Variants in GPAM observed in about 807,000 individuals in gnomAD.
GPAM encodes glycerol-3-phosphate acyltransferase, mitochondrial.
In GPAM, 56 loss-of-function variants were observed where a neutral mutation model predicts 105.0. The observed-to-expected ratio is 0.53, with a 90% CI of 0.43 to 0.67. GPAM has a LOEUF of 0.67. Among genes scored for constraint, GPAM ranks in the 30% least tolerant of loss-of-function variants. The pLI, the probability that GPAM is intolerant of heterozygous loss-of-function variation, is 0.00. For missense variants in GPAM, 855 were observed against 989.8 expected, an observed-to-expected ratio of 0.86 and a Z score of 1.83; for synonymous variants, 368 against 354.4, an observed-to-expected ratio of 1.04 and a Z score of -0.43.
chr10:112,178,042 G>A lies in GPAM; in HGVS notation c.241C>T (p.Pro81Ser). ...CGCAAACCCAAAGACGGGATACTGG[G>A]GTTGAAAAATTTGTCCTATATAAAA... ...TPQSWDKFFNPSIPSLGLRNV... is the reference protein window; with the variant it reads ...TPQSWDKFFNSSIPSLGLRNV... Residue 81 changes from proline (P) to serine (S), a missense_variant, in exon 5 of 22, where the codon CCC (proline) becomes TCC (serine). Transcript: ENST00000348367. 6.3e-7 allele frequency: 1 copy of A among 1,592,228 alleles called. No individual in the cohort carries two copies. The highest frequency in any genetic ancestry group is 8.6e-7 in the Non-Finnish European group (1 of 1,160,592).
rs932369319 is a variant in GPAM at position 112,150,783 on chromosome 10, A to G, written c.*2767T>C. ...GCAACACCATTTCTATAAAACACTG[A>G]TGAACATCTCACAGAGCACTCATAT... On this transcript the variant is annotated 3_prime_UTR_variant, in exon 22 of 22. Transcript: ENST00000348367. The G allele has an allele frequency of 9.1e-6, 9 of 985,398 alleles. No individual in the cohort carries two copies. The East Asian group carries it at 9.1e-4, about 100-fold the overall frequency. 61.0% of individuals were successfully genotyped at this position (985,398 alleles called of 1,614,324 possible).
At chr10:112,163,907 A>C in intron 13 of GPAM, 91 bp from the exon 14 acceptor site, 1 of 718,364 alleles carries the variant, frequency 1.4e-6, no homozygotes, top group Admixed American at 2.0e-5. Flanking sequence ...AGATACTTTA[A>C]ATTACTATAT....
intron 1 of GPAM, among the ~76,000 whole-genome samples, chr10:112,207,170 G>A (rs1847861447): frequency 6.6e-6 from 1 of 152,242 alleles, no homozygotes; most frequent in African/African-American, 2.4e-5. Context: ...AATGAAGGGA[G>A]AGGTACCACT....
At chr10:112,199,621 T>C (rs1847768996) in intron 1 of GPAM, among the ~76,000 whole-genome samples, 1 of 152,220 alleles carries the variant, frequency 6.6e-6, no homozygotes, top group Admixed American at 6.5e-5. Context: ...GTACATGTGT[T>C]AGTCTGTTCT....
intron 1 of GPAM, among the ~76,000 whole-genome samples, chr10:112,213,154 A>G (rs1257284046): frequency 1.3e-5 from 2 of 152,210 alleles, no homozygotes; most frequent in African/African-American, 2.4e-5. Context: ...CATGTGAAAC[A>G]GTTACAATGT....
intron 19 of GPAM, chr10:112,156,312 A>G: frequency 6.1e-6 from 3 of 490,586 alleles, no homozygotes; most frequent in Non-Finnish European, 1.1e-5. Flanking sequence ...GCCACCTAGA[A>G]GAAATTTTCA....
At chr10:112,175,767 T>C in intron 5 of GPAM, 54 bp from the exon 6 acceptor site, 1 of 1,101,144 alleles carries the variant, frequency 9.1e-7, no homozygotes, top group Non-Finnish European at 1.4e-6. Context: ...AACAAGTTGC[T>C]TAAATCATAA....
intron 9 of GPAM, among the ~76,000 whole-genome samples, chr10:112,170,412 G>A (rs1196810958): frequency 6.6e-6 from 1 of 152,230 alleles, no homozygotes; most frequent in African/African-American, 2.4e-5. Flanking sequence ...TGAAGGACAG[G>A]TGAGCTACAC....
intron 5 of GPAM, among the ~76,000 whole-genome samples, chr10:112,176,636 A>C (rs1589594553): frequency 6.6e-6 from 1 of 152,240 alleles, no homozygotes; most frequent in East Asian, 1.9e-4. Context: ...CCAATATATT[A>C]AATGTTAATC....
intron 1 of GPAM, among the ~76,000 whole-genome samples, chr10:112,193,662 A>G (rs894224652): frequency 4.6e-5 from 7 of 152,220 alleles, no homozygotes; most frequent in African/African-American, 7.2e-5. Flanking sequence ...CTAAAGCCCA[A>G]ACATACAAGG....
chr10:112,215,648 G>A (rs1847959715), upstream of GPAM, among the ~76,000 whole-genome samples: 1 of 152,204 alleles, frequency 6.6e-6, no homozygotes, highest in South Asian at 2.1e-4. Flanking sequence ...CTCAGCGGAG[G>A]TGTCCACAGC....
At chr10:112,177,928 T>A in intron 5 of GPAM, 56 bp downstream of exon 5, 1 of 915,818 alleles carries the variant, frequency 1.1e-6, no homozygotes, top group Non-Finnish European at 1.8e-6. Flanking sequence ...TGTTAACTGA[T>A]TATTATGAAG....
chr10:112,166,359 C>T, intron 12 of GPAM, 43 bp downstream of exon 12: 1 of 1,053,432 alleles, frequency 9.5e-7, no homozygotes, highest in Non-Finnish European at 1.5e-6. Flanking sequence ...CTCCTGACTC[C>T]AGGTAGATGC....
At chr10:112,203,186 T>C (rs1013443337) in intron 1 of GPAM, among the ~76,000 whole-genome samples, 1 of 152,176 alleles carries the variant, frequency 6.6e-6, no homozygotes, top group African/African-American at 2.4e-5. Flanking sequence ...GATGGAAATA[T>C]AGAAACCCCC....
At chr10:112,219,287 G>A (rs530559041), upstream of GPAM, among the ~76,000 whole-genome samples, 11 of 152,314 alleles carry the variant, frequency 7.2e-5, no homozygotes, top group East Asian at 2.1e-3. Context: ...GGCTGAGCAG[G>A]CCAAGTGCAC....
rs758571253 is a variant in GPAM at position 112,193,799 on chromosome 10, C to T, written n.211-10908G>A. On this transcript the variant is annotated intron_variant and non_coding_transcript_variant, in intron 1 of 3. Transcript: ENST00000480130. ...TTGGAACTGGCTCTAGTTTTTTGGT[C>T]GTCCTCATCTCAGGGCTAGGCTGCG... is the stretch of plus-strand genomic sequence containing the variant. Among the ~76,000 whole-genome samples the T allele has an allele frequency of 3.9e-5, 6 of 152,158 alleles. No homozygotes were observed. The South Asian group carries it at 8.3e-4, about 21-fold the overall frequency.
rs758079429 is a variant in GPAM at position 112,155,990 on chromosome 10, G to A, written c.2185C>T (p.Leu729=). The A allele has an allele frequency of 6.2e-7, 1 of 1,611,978 alleles. No individual in the cohort carries two copies. The highest frequency in any genetic ancestry group is 8.5e-7 in the Non-Finnish European group (1 of 1,178,104). Reference sequence around the variant, plus strand: ...ATGGCAGCAGAGCTGTAGGCCTCCAGCAAAGGCCCAAGGAGTCTCTGTAAG... The same window carrying A: ...ATGGCAGCAGAGCTGTAGGCCTCCAACAAAGGCCCAAGGAGTCTCTGTAAG... ...TFLQRLLGPL[L]EAYSSAAIFV... Residue 729 remains leucine, a synonymous_variant, in exon 20 of 22, where the codon CTG becomes TTG. Transcript: ENST00000348367.
chr10:112,175,526 A>C lies in GPAM; in HGVS notation c.413+74T>G. The C allele has an allele frequency of 5.0e-6, 4 of 803,710 alleles. No homozygotes were observed. In the South Asian group the frequency reaches 5.4e-5, roughly 11 times the overall value. 49.8% of individuals were successfully genotyped at this position (803,710 alleles called of 1,614,324 possible). A position where few individuals can be genotyped will look rare whatever the true frequency, so the allele number is the denominator to read the frequency against. The stretch of plus-strand genomic sequence containing the variant: ...GTCCCAGAGAAACTAAAGGTTACTA[A>C]GAATTACTTCCCCCTCCCACTCCTA... On this transcript the variant is annotated intron_variant, in intron 6 of 21. Coordinates refer to ENST00000348367, the MANE Select transcript of GPAM (RefSeq NM_001244949.2).
chr10:112,211,990 G>A (rs752954232), intron 1 of GPAM, among the ~76,000 whole-genome samples: 9 of 152,176 alleles, frequency 5.9e-5, no homozygotes, highest in African/African-American at 1.2e-4. Context: ...TTCCCTGAGA[G>A]AAGAGAAGAG....
Sources: gnomAD v4.1 joint callset for allele counts (sites outside exome capture counted in the v4.1 genomes callset) on GRCh38, gnomAD v4.1.1 for gene constraint, MANE v1.5 for transcripts, NCBI Gene and HGNC (gene_info 2026-07-23, HGNC 2026-07-21) for gene names.